FGFR1: variants seen among roughly 807,000 people sequenced by gnomAD.
FGFR1 encodes the protein FGFR1/PLAG1 fusion.
A neutral mutation model predicts 93.7 loss-of-function variants in FGFR1; 18 were observed. That is an observed-to-expected ratio of 0.19 (90% CI 0.13 to 0.28). FGFR1 has a LOEUF of 0.28. Among genes scored for constraint, FGFR1 ranks in the 10% least tolerant of loss-of-function variants. FGFR1 has a pLI of 1.00. For synonymous variants in FGFR1, 448 were observed against 429.3 expected (o/e 1.04, Z -0.54); for missense variants, 731 against 1,080.4 (o/e 0.68, Z 4.53).
chr8:38,413,421 T>C lies in FGFR1; in HGVS notation c.*207A>G, dbSNP rs1815046614. 1.7e-6 allele frequency: 1 copy of C among 596,358 alleles called. No homozygotes were observed. The highest frequency in any genetic ancestry group is 3.0e-6 in the Non-Finnish European group (1 of 336,516). 36.9% of individuals were successfully genotyped at this position (596,358 alleles called of 1,614,324 possible). A position where few individuals can be genotyped will look rare whatever the true frequency, so the allele number is the denominator to read the frequency against. ...GGCTGGCAGCAAAGATCTGCCTCTT[T>C]GCACCTCTCACCAGCAGGTGGAGAG... On this transcript the variant is annotated 3_prime_UTR_variant, in exon 18 of 18. Coordinates refer to ENST00000447712, the MANE Select transcript of FGFR1 (RefSeq NM_023110.3). The surrounding 1 kb of genome is among the most constrained non-coding windows in gnomAD (Gnocchi z 4.2).
chr8:38,443,533 C>T lies in FGFR1; in HGVS notation c.92-13585G>A, dbSNP rs112111445. ...AAAAAGAAAAACAAAATTAGCCAGG[C>T]ATGGTAGCGTGCACCTGTGGTCCCA... On this transcript the variant is annotated intron_variant, in intron 2 of 17. Transcript: ENST00000447712. 9.1e-3 allele frequency among the ~76,000 whole-genome samples: 1,365 copies of T among 150,560 alleles called. 17 individuals are homozygous for T. Among genetic ancestry groups the T allele is most frequent in the Middle Eastern group, 0.018 (5 of 278 alleles).
intron 1 of FGFR1, chr8:38,461,359 G>C (rs1340063548): frequency 9.2e-6 from 5 of 541,800 alleles, no homozygotes; most frequent in Non-Finnish European, 1.6e-5. Flanking sequence ...TTCTGAGACA[G>C]AGTGTTGCTC....
intron 12 of FGFR1, among the ~76,000 whole-genome samples, chr8:38,416,768 T>C (rs1222206049): frequency 6.6e-6 from 1 of 151,602 alleles, no homozygotes; most frequent in Non-Finnish European, 1.5e-5. Context: ...TTATTTATTT[T>C]ATTTTTGAGA....
chr8:38,468,061 G>A lies in FGFR1; in HGVS notation c.-169C>T, dbSNP rs1325159177. On this transcript the variant is annotated 5_prime_UTR_variant, in exon 1 of 18. Transcript: ENST00000447712. The stretch of plus-strand genomic sequence containing the variant: ...GGCGTGTGCCCGCGTCCCCGGCTCC[G>A]GCCCGCCGCCCCCGGGCTCTGTTCG... 2.2e-5 allele frequency: 5 copies of A among 223,588 alleles called. No individual in the cohort carries two copies. Among genetic ancestry groups the A allele is most frequent in the Non-Finnish European group, 3.6e-5 (4 of 111,930 alleles). The allele number at this position is 223,588 out of a possible 1,614,324, so 13.9% of individuals were successfully genotyped here.
chr8:38,432,297 G>A (rs1823435924), intron 2 of FGFR1, among the ~76,000 whole-genome samples: 1 of 152,094 alleles, frequency 6.6e-6, no homozygotes, highest in Non-Finnish European at 1.5e-5. Context: ...ATCTGTAAAA[G>A]CCTCAAGAAC....
chr8:38,424,656 G>A lies in FGFR1; in HGVS notation c.789C>T (p.Ala263=), dbSNP rs780944776. 2 of 1,612,598 alleles carry A rather than the reference G, an allele frequency of 1.2e-6. No individual in the cohort carries two copies. The highest frequency in any genetic ancestry group is 1.7e-5 in the Admixed American group (1 of 60,006). Residue 263 remains alanine, a synonymous_variant, in exon 7 of 18, where the codon GCC becomes GCT. Transcript: ENST00000447712. The surrounding 1 kb of genome is among the most constrained non-coding windows in gnomAD (Gnocchi z 4.3). ...HRPILQAGLP[A]NKTVALGSNV... ...TGCTACCCAGGGCCACTGTTTTGTT[G>A]GCGGGCAACCCTGCTTGCAGGATGG...
intron 5 of FGFR1, 119 bp downstream of exon 5, chr8:38,427,802 T>G: frequency 9.3e-7 from 1 of 1,076,872 alleles, no homozygotes; most frequent in Non-Finnish European, 1.4e-6. Flanking sequence ...AAAATTTTAA[T>G]GAATAACCTG....
intron 2 of FGFR1, among the ~76,000 whole-genome samples, chr8:38,442,148 A>C (rs536008338): frequency 2.0e-5 from 3 of 152,318 alleles, no homozygotes; most frequent in Non-Finnish European, 4.4e-5. Context: ...GGGCATCTGC[A>C]CGATAATAGA....
chr8:38,452,192 GACACACAGAC>G (rs1423715900), intron 2 of FGFR1, among the ~76,000 whole-genome samples: 115 of 91,572 alleles, frequency 1.3e-3, no homozygotes, highest in African/African-American at 3.6e-3. Flanking sequence ...CAGACACACA[GACACACAGAC>G]ACACACACAC....
At position 38,468,320 on chromosome 8, in the gene FGFR1, G is replaced by C. The variant is rs1835968570; in HGVS notation, c.-428C>G. 4.4e-6 allele frequency: 1 copy of C among 228,416 alleles called. No homozygotes were observed. The highest frequency in any genetic ancestry group is 6.1e-5 in the East Asian group (1 of 16,368). The allele number at this position is 228,416 out of a possible 1,614,324, so 14.1% of individuals were successfully genotyped here. On this transcript the variant is annotated 5_prime_UTR_variant, in exon 1 of 18. Coordinates refer to ENST00000447712, the MANE Select transcript of FGFR1 (RefSeq NM_023110.3). ...GCAGACCGGGCTCCATCGCCCTGCGGAGGCCCCGGCGCCGCGGCGTGCCCG... is the reference window on the plus strand; with the variant it reads ...GCAGACCGGGCTCCATCGCCCTGCGCAGGCCCCGGCGCCGCGGCGTGCCCG...
chr8:38,437,141 A>G (rs1825732302), intron 2 of FGFR1, among the ~76,000 whole-genome samples: 1 of 152,108 alleles, frequency 6.6e-6, no homozygotes, highest in Non-Finnish European at 1.5e-5. Flanking sequence ...CGGCCTCCCA[A>G]TTCTTGATTC....
In FGFR1 at chr8:38,426,585, C is replaced by CT. The variant is rs1820850966; in HGVS notation, c.622-341dup. ...TATTACACTAAGAATCCAGCCCCCA[C>CT]TGTCCTTGACAGCTCATTTCAAAAA... is the stretch of plus-strand genomic sequence containing the variant. On this transcript the variant is annotated intron_variant, in intron 5 of 17. Transcript: ENST00000447712. The surrounding 1 kb of genome is among the most constrained non-coding windows in gnomAD (Gnocchi z 4.1). Among the ~76,000 whole-genome samples the CT allele has an allele frequency of 6.6e-6, 1 of 152,234 alleles. No homozygotes were observed. Among genetic ancestry groups the CT allele is most frequent in the Non-Finnish European group, 1.5e-5 (1 of 68,044 alleles).
chr8:38,422,599 G>A, intron 7 of FGFR1: 1 of 285,260 alleles, frequency 3.5e-6, no homozygotes, highest in Non-Finnish European at 6.6e-6. Flanking sequence ...ATGGGGTCTT[G>A]CTATGTTGCC....
Position 38,415,990 on chromosome 8 carries a change from G to A in FGFR1, c.1734C>T (p.Pro578=). ...NLREYLQARR[P]PGLEYCYNPS... Reference sequence around the variant, plus strand: ...GGTTGTAGCAGTATTCCAGCCCTGGGGGCCTCCGGGCCTGCAGGTACTCCC... The same window carrying A: ...GGTTGTAGCAGTATTCCAGCCCTGGAGGCCTCCGGGCCTGCAGGTACTCCC... The change falls in exon 13 of 18, where the codon CCC becomes CCT. Residue 578 remains proline (P), a synonymous_variant. Transcript: ENST00000447712. The A allele has an allele frequency of 6.2e-7, 1 of 1,613,986 alleles. No homozygotes were observed. The highest frequency in any genetic ancestry group is 8.5e-7 in the Non-Finnish European group (1 of 1,179,998).
intron 2 of FGFR1, among the ~76,000 whole-genome samples, chr8:38,447,098 A>AACAAAC (rs1829542586): frequency 7.5e-6 from 1 of 133,268 alleles, no homozygotes; most frequent in South Asian, 2.8e-4. Context: ...ACTGCAAGCA[A>AACAAAC]ACACACACAC....
chr8:38,452,519 G>A (rs1405276235), intron 2 of FGFR1, among the ~76,000 whole-genome samples: 19 of 152,050 alleles, frequency 1.2e-4, no homozygotes, highest in South Asian at 8.3e-4. Flanking sequence ...TGTGTGCCAC[G>A]TTACCCAGCT....
intron 2 of FGFR1, 77 bp downstream of exon 2, chr8:38,457,279 C>A (rs1563626395): frequency 6.6e-7 from 1 of 1,520,864 alleles, no homozygotes; most frequent in South Asian, 1.1e-5. Context: ...ACATCACCTG[C>A]AACCATATCA....
At chr8:38,451,374 A>G (rs941854659) in intron 2 of FGFR1, among the ~76,000 whole-genome samples, 1 of 152,016 alleles carries the variant, frequency 6.6e-6, no homozygotes, top group African/African-American at 2.4e-5. Context: ...CCAAACCTGT[A>G]GTACCTATTT....
At chr8:38,458,502 C>A (rs1239508499) in intron 1 of FGFR1, among the ~76,000 whole-genome samples, 1 of 152,066 alleles carries the variant, frequency 6.6e-6, no homozygotes, top group African/African-American at 2.4e-5. Context: ...GATCGCAGCA[C>A]TGCACTACAG....
Sources: allele counts gnomAD v4.1 joint callset (sites outside exome capture counted in the v4.1 genomes callset), GRCh38; gene constraint gnomAD v4.1.1; non-coding constraint Gnocchi (gnomAD v3.1); transcripts MANE v1.5; gene names NCBI Gene and HGNC (gene_info 2026-07-23, HGNC 2026-07-21).